The following RRP15 variants were observed in gnomAD, a reference collection of about 807,000 sequenced individuals.
RRP15 encodes ribosomal RNA processing 15 homolog, also known as RRP15-like protein.
Under a neutral mutation model 27.1 loss-of-function variants are expected in RRP15, and 18 were observed. The ratio of observed to expected loss-of-function variants is 0.66; its 90% CI spans 0.46 to 0.98. The LOEUF (loss-of-function observed/expected upper bound fraction) is 0.98, where lower values mean the gene tolerates loss of function less well. RRP15 is among the 50% of genes least tolerant of loss of function. The probability of loss-of-function intolerance (pLI) is 0.00; values close to 1 mark genes in which losing one functional copy is unlikely to be tolerated. For missense variants in RRP15, 359 were observed against 337.8 expected (o/e 1.06, Z -0.49); for synonymous variants, 107 against 109.4 (o/e 0.98, Z 0.14).
intron 4 of RRP15, among the ~76,000 whole-genome samples, chr1:218,327,868 C>T (rs1656298809): frequency 6.6e-6 from 1 of 152,166 alleles, no homozygotes; most frequent in South Asian, 2.1e-4. Context: ...ATAAAGTGTA[C>T]TTGGTCTTAT....
At chr1:218,306,930 A>G (rs1188169775) in intron 3 of RRP15, among the ~76,000 whole-genome samples, 1 of 152,226 alleles carries the variant, frequency 6.6e-6, no homozygotes, top group Non-Finnish European at 1.5e-5. Context: ...TCAAGTGCTC[A>G]CTAGCCACAT....
rs770223170 is a variant in RRP15, at chr1:218,302,560, G to C, written c.405+1G>C. 6.2e-7 allele frequency: 1 copy of C among 1,610,722 alleles called. No individual in the cohort carries two copies. The highest frequency in any genetic ancestry group is 1.3e-5 in the African/African-American group (1 of 74,508). ...AGAAAGACTAGAGAAAATAAAACAG[G>C]TATGTTCCACCAGTTCTCTTGTAGA... On this transcript the variant is annotated splice_donor_variant, in intron 2 of 4. Coordinates refer to ENST00000366932, the MANE Select transcript of RRP15 (RefSeq NM_016052.4). LOFTEE classifies it high-confidence loss of function.
intron 4 of RRP15, among the ~76,000 whole-genome samples, chr1:218,328,877 G>T (rs534433343): frequency 1.2e-4 from 18 of 152,090 alleles, no homozygotes; most frequent in African/African-American, 4.3e-4. Context: ...ATGGCATATT[G>T]GGTGTACTTG....
chr1:218,328,432 G>A (rs1407419867), intron 4 of RRP15, among the ~76,000 whole-genome samples: 1 of 152,146 alleles, frequency 6.6e-6, no homozygotes, highest in East Asian at 1.9e-4. Flanking sequence ...GGAGGCCAAG[G>A]CGGGCAGATC....
At chr1:218,291,844 C>T (rs1489463333) in intron 1 of RRP15, among the ~76,000 whole-genome samples, 4 of 151,222 alleles carry the variant, frequency 2.6e-5, no homozygotes, top group Non-Finnish European at 5.9e-5. Flanking sequence ...ACTCCCCACC[C>T]CCTTTTTTTT....
chr1:218,329,123 G>A (rs1656323836), intron 4 of RRP15, among the ~76,000 whole-genome samples: 1 of 151,586 alleles, frequency 6.6e-6, no homozygotes, highest in East Asian at 1.9e-4. Context: ...TGGGTTGGCT[G>A]GGTGTGGTGG....
chr1:218,306,565 G>A (rs1655902048), intron 3 of RRP15, among the ~76,000 whole-genome samples: 1 of 152,174 alleles, frequency 6.6e-6, no homozygotes, highest in Non-Finnish European at 1.5e-5. Context: ...ATTATTGGAA[G>A]AGGCAGATTG....
intron 3 of RRP15, 117 bp downstream of exon 3, chr1:218,305,242 C>T: frequency 1.5e-6 from 1 of 680,604 alleles, no homozygotes. Flanking sequence ...TGATATATAT[C>T]TAAGCCTGCC....
At position 218,332,204 on chromosome 1, in the gene RRP15, T is replaced by C. The variant is rs1656383320; in HGVS notation, c.*1113T>C. On this transcript the variant is annotated 3_prime_UTR_variant, in exon 5 of 5. Transcript: ENST00000366932. ...ATTTGAGTTAGCTTAAATTCTTTTT[T>C]ATGGACTGCCCAACCAGTGAATTGA... 6.6e-6 allele frequency: 1 copy of C among 152,182 alleles called. No homozygotes were observed. Among genetic ancestry groups the C allele is most frequent in the African/African-American group, 2.4e-5 (1 of 41,450 alleles). 9.4% of individuals were successfully genotyped at this position (152,182 alleles called of 1,614,324 possible).
intron 1 of RRP15, among the ~76,000 whole-genome samples, chr1:218,287,671 C>T (rs1168866066): frequency 2.0e-5 from 3 of 151,584 alleles, no homozygotes; most frequent in African/African-American, 7.3e-5. Flanking sequence ...AATTCATATC[C>T]TCTGGAACCC....
chr1:218,288,614 G>A (rs900818481), intron 1 of RRP15, among the ~76,000 whole-genome samples: 1 of 152,180 alleles, frequency 6.6e-6, no homozygotes, highest in Non-Finnish European at 1.5e-5. Context: ...AAGTTTGATT[G>A]TAGAGCTTAT....
intron 1 of RRP15, among the ~76,000 whole-genome samples, chr1:218,296,490 C>T (rs578073792): frequency 1.3e-5 from 2 of 151,902 alleles, no homozygotes; most frequent in South Asian, 2.1e-4. Flanking sequence ...TTCATCTCTA[C>T]AAAAAATTAG....
At chr1:218,292,968 A>T (rs1265746877) in intron 1 of RRP15, among the ~76,000 whole-genome samples, 1 of 152,082 alleles carries the variant, frequency 6.6e-6, no homozygotes, top group African/African-American at 2.4e-5. Flanking sequence ...TATCTCTGCA[A>T]TATAGATAAA....
intron 4 of RRP15, among the ~76,000 whole-genome samples, chr1:218,312,282 CTTT>C (rs538218806): frequency 4.4e-5 from 6 of 137,466 alleles, no homozygotes; most frequent in Non-Finnish European, 3.2e-5. Flanking sequence ...TTTCTTTTTT[CTTT>C]TTTTTTTTTT....
intron 4 of RRP15, among the ~76,000 whole-genome samples, chr1:218,314,870 T>C (rs1031072422): frequency 5.3e-5 from 8 of 151,256 alleles, no homozygotes; most frequent in South Asian, 4.2e-4. Flanking sequence ...TAGGGGCCTG[T>C]AATCCCAGCT....
At chr1:218,329,983 A>G (rs10863388) in intron 4 of RRP15, among the ~76,000 whole-genome samples, 22,284 of 152,156 alleles carry the variant, frequency 0.15, 2,211 homozygotes, top group East Asian at 0.38. Flanking sequence ...CAGCATAATG[A>G]TAACACTGTT....
At chr1:218,298,235 C>A (rs1655752856) in intron 1 of RRP15, among the ~76,000 whole-genome samples, 1 of 152,090 alleles carries the variant, frequency 6.6e-6, no homozygotes, top group Non-Finnish European at 1.5e-5. Flanking sequence ...TTTCTTTTGT[C>A]ATTCAAATTC....
chr1:218,312,992 T>C (rs924417230), intron 4 of RRP15, among the ~76,000 whole-genome samples: 1 of 152,234 alleles, frequency 6.6e-6, no homozygotes, highest in African/African-American at 2.4e-5. Context: ...CTGGACTTTA[T>C]TCCTTACGCA....
intron 4 of RRP15, among the ~76,000 whole-genome samples, chr1:218,319,455 T>C (rs1656143288): frequency 6.6e-6 from 1 of 152,206 alleles, no homozygotes; most frequent in East Asian, 1.9e-4. Flanking sequence ...TGCTTAAGTT[T>C]GCAAATGTGG....
Sources: gnomAD v4.1 joint callset for allele counts (sites outside exome capture counted in the v4.1 genomes callset) on GRCh38, gnomAD v4.1.1 for gene constraint, MANE v1.5 for transcripts, NCBI Gene and HGNC (gene_info 2026-07-23, HGNC 2026-07-21) for gene names.